ERP44: variants seen among roughly 807,000 people sequenced by gnomAD.
ERP44 encodes the protein endoplasmic reticulum protein 44, also known as endoplasmic reticulum resident protein 44.
Under a neutral mutation model 53.4 loss-of-function variants are expected in ERP44, and 25 were observed. The ratio of observed to expected loss-of-function variants is 0.47; its 90% CI spans 0.34 to 0.65. ERP44 has a LOEUF of 0.65. Among genes scored for constraint, ERP44 ranks in the 30% least tolerant of loss-of-function variants. The pLI is 0.01. For synonymous variants in ERP44, 145 were observed against 161.2 expected, an observed-to-expected ratio of 0.90 and a Z score of 0.76; for missense variants, 338 against 493.2, an observed-to-expected ratio of 0.69 and a Z score of 2.98.
At chr9:100,098,345 C>T (rs1215283622) in intron 1 of ERP44, among the ~76,000 whole-genome samples, 1 of 152,204 alleles carries the variant, frequency 6.6e-6, no homozygotes, top group Non-Finnish European at 1.5e-5. Context: ...CCAACCCGGG[C>T]ACCGCTTCAG....
chr9:100,079,890 G>A (rs574509773), intron 1 of ERP44, among the ~76,000 whole-genome samples: 2 of 150,840 alleles, frequency 1.3e-5, no homozygotes, highest in East Asian at 3.9e-4. Context: ...TACTATGACT[G>A]CAGCACTGCA....
intron 6 of ERP44, among the ~76,000 whole-genome samples, chr9:100,020,361 C>A (rs1830574695): frequency 6.6e-6 from 1 of 152,200 alleles, no homozygotes; most frequent in South Asian, 2.1e-4. Context: ...TGAATAAAAG[C>A]ATGAATTAGT....
At chr9:100,067,524 G>C (rs10988961) in intron 1 of ERP44, among the ~76,000 whole-genome samples, 1 of 151,896 alleles carries the variant, frequency 6.6e-6, no homozygotes, top group Non-Finnish European at 1.5e-5. Flanking sequence ...GTGCAGTGGC[G>C]TGATCTCGGC....
At chr9:99,985,984 T>C (rs1208760008) in intron 10 of ERP44, among the ~76,000 whole-genome samples, 1 of 152,204 alleles carries the variant, frequency 6.6e-6, no homozygotes, top group Admixed American at 6.5e-5. Flanking sequence ...ACAACTTCAC[T>C]TTCTATGGAC....
At chr9:100,056,262 T>G (rs1209172367) in intron 3 of ERP44, among the ~76,000 whole-genome samples, 1 of 152,214 alleles carries the variant, frequency 6.6e-6, no homozygotes, top group African/African-American at 2.4e-5. Flanking sequence ...TTTTGGCTAT[T>G]AATACATCTT....
intron 10 of ERP44, among the ~76,000 whole-genome samples, chr9:99,995,006 G>A (rs1017174777): frequency 5.3e-5 from 8 of 151,872 alleles, no homozygotes; most frequent in African/African-American, 1.7e-4. Context: ...TGGTTGTCTT[G>A]GATTTCCTTC....
Position 100,098,983 on chromosome 9 carries a change from G to T in ERP44, c.-143C>A, listed in dbSNP as rs1826707163. 7.8e-6 allele frequency: 5 copies of T among 642,806 alleles called. No individual in the cohort carries two copies. The highest frequency in any genetic ancestry group is 1.4e-5 in the Non-Finnish European group (5 of 364,310). The allele number at this position is 642,806 out of a possible 1,614,324, so 39.8% of individuals were successfully genotyped here. Reference sequence around the variant, plus strand: ...AGCGGCACCTCGTCCTCTCGACCCGGGCTCCAGCGGCGAACACCCGGGACA... The same window carrying T: ...AGCGGCACCTCGTCCTCTCGACCCGTGCTCCAGCGGCGAACACCCGGGACA... On this transcript the variant is annotated 5_prime_UTR_variant, in exon 1 of 12. Coordinates refer to ENST00000262455, the MANE Select transcript of ERP44 (RefSeq NM_015051.3).
chr9:100,096,282 T>A (rs1826627527), intron 1 of ERP44, among the ~76,000 whole-genome samples: 1 of 152,018 alleles, frequency 6.6e-6, no homozygotes, highest in Non-Finnish European at 1.5e-5. Flanking sequence ...TACTGATCAT[T>A]TTCCCAGCGG....
intron 4 of ERP44, among the ~76,000 whole-genome samples, chr9:100,041,916 T>G (rs1248002013): frequency 6.6e-6 from 1 of 152,256 alleles, no homozygotes; most frequent in East Asian, 1.9e-4. Flanking sequence ...CAAAATGGAT[T>G]AACGACTTAA....
chr9:99,995,268 G>A (rs1330447324), intron 10 of ERP44, among the ~76,000 whole-genome samples: 3 of 152,180 alleles, frequency 2.0e-5, no homozygotes, highest in African/African-American at 4.8e-5. Flanking sequence ...TTTCTATACA[G>A]ATAATCATGT....
intron 4 of ERP44, among the ~76,000 whole-genome samples, chr9:100,024,163 A>AACG (rs202234232): frequency 4.7e-4 from 71 of 149,830 alleles, no homozygotes; most frequent in African/African-American, 1.7e-3. Flanking sequence ...CAACAACAAC[A>AACG]ACAACAACAA....
Position 100,052,528 on chromosome 9 carries a change from G to A in ERP44, c.175C>T (p.Arg59Cys). The A allele has an allele frequency of 6.3e-7, 1 of 1,585,596 alleles. No individual in the cohort carries two copies. The highest frequency in any genetic ancestry group is 8.6e-7 in the Non-Finnish European group (1 of 1,157,388). Residue 59 changes from arginine (R) to cysteine (C), a missense_variant, in exon 4 of 12, where the codon CGT becomes TGT. Transcript: ENST00000262455. ...ALVNFYADWCRFSQMLHPIFE... is the reference protein window; with the variant it reads ...ALVNFYADWCCFSQMLHPIFE... ...ATTGGATGCAACATCTGACTGAAACGACACCTATACACAGAGAAGGATGCC... is the reference window on the plus strand; with the variant it reads ...ATTGGATGCAACATCTGACTGAAACAACACCTATACACAGAGAAGGATGCC...
chr9:100,079,762 CT>C (rs1826401796), intron 1 of ERP44, among the ~76,000 whole-genome samples: 1 of 151,916 alleles, frequency 6.6e-6, no homozygotes. Context: ...AGCAAGACCC[CT>C]CTCTCACTGT....
At chr9:100,094,063 T>C (rs1222155767) in intron 1 of ERP44, among the ~76,000 whole-genome samples, 1 of 152,132 alleles carries the variant, frequency 6.6e-6, no homozygotes. Flanking sequence ...ACTATCAAAA[T>C]TACGTAAGCA....
intron 4 of ERP44, among the ~76,000 whole-genome samples, chr9:100,027,061 T>C (rs1327962297): frequency 2.0e-5 from 3 of 152,218 alleles, no homozygotes; most frequent in Non-Finnish European, 4.4e-5. Context: ...AGACGGACTC[T>C]AGAGGGTCTT....
intron 1 of ERP44, among the ~76,000 whole-genome samples, chr9:100,089,630 GCTTC>G (rs1048935467): frequency 2.0e-5 from 3 of 149,288 alleles, no homozygotes; most frequent in Non-Finnish European, 4.4e-5. Context: ...GCCATAAAGC[GCTTC>G]CTTAAGTGAA....
Position 99,979,717 on chromosome 9 carries a change from T to C in ERP44, c.*2895A>G, listed in dbSNP as rs1587950710. 2.7e-6 allele frequency: 1 copy of C among 373,694 alleles called. No homozygotes were observed. Among genetic ancestry groups the C allele is most frequent in the South Asian group, 1.5e-4 (1 of 6,792 alleles). 23.1% of individuals were successfully genotyped at this position (373,694 alleles called of 1,614,324 possible). On this transcript the variant is annotated 3_prime_UTR_variant, in exon 12 of 12. Coordinates refer to ENST00000262455, the MANE Select transcript of ERP44 (RefSeq NM_015051.3). ...CTTCAGTCTGGTCTTGCATCCTCTC[T>C]TCCCAGCTGAGAAGCCTGAGGCCCC...
At position 99,984,413 on chromosome 9, in the gene ERP44, T is replaced by TA. The variant is rs200813688; in HGVS notation, c.1119+553dup. 2.0e-3 allele frequency among the ~76,000 whole-genome samples: 297 copies of TA among 150,784 alleles called. 1 individual carries two copies. Among genetic ancestry groups the TA allele is most frequent in the Non-Finnish European group, 3.7e-3 (251 of 67,616 alleles). On this transcript the variant is annotated intron_variant, in intron 11 of 11. Transcript: ENST00000262455. ...AGGTGGAAACAGTAAAATTCTCAGG[T>TA]AAAAAAAAACATAAAAGAACATAAA...
chr9:100,092,028 A>G (rs1467770319), intron 1 of ERP44, among the ~76,000 whole-genome samples: 1 of 152,214 alleles, frequency 6.6e-6, no homozygotes, highest in Non-Finnish European at 1.5e-5. Context: ...TATGCATCTC[A>G]ATGATCTTTT....
Sources: gnomAD v4.1 joint callset for allele counts (sites outside exome capture counted in the v4.1 genomes callset) on GRCh38, gnomAD v4.1.1 for gene constraint, MANE v1.5 for transcripts, NCBI Gene and HGNC (gene_info 2026-07-23, HGNC 2026-07-21) for gene names.